SLC4A10: variants seen among roughly 807,000 people sequenced by gnomAD.
The protein encoded by SLC4A10 is sodium-driven chloride bicarbonate exchanger.
In SLC4A10, 42 loss-of-function variants were observed where a neutral mutation model predicts 137.7. The ratio of observed to expected loss-of-function variants is 0.30; its 90% confidence interval spans 0.24 to 0.39. The LOEUF (loss-of-function observed/expected upper bound fraction) is 0.39, where lower values mean the gene tolerates loss of function less well. SLC4A10 is among the 10% of genes least tolerant of loss of function. The pLI, the probability that SLC4A10 is intolerant of heterozygous loss-of-function variation, is 1.00. For missense variants in SLC4A10, 925 were observed against 1,355.0 expected (o/e 0.68, Z 4.98); for synonymous variants, 474 against 464.1 (o/e 1.02, Z -0.27).
intron 1 of SLC4A10, among the ~76,000 whole-genome samples, chr2:161,695,909 T>C (rs2042436823): frequency 6.6e-6 from 1 of 152,198 alleles, no homozygotes; most frequent in Non-Finnish European, 1.5e-5. Context: ...TTATTCATTT[T>C]TCTTTTTTAT....
In SLC4A10 at chr2:161,859,271, A is replaced by G. The variant is rs942010126; in HGVS notation, c.578-3603A>G. The stretch of plus-strand genomic sequence containing the variant: ...TCTGAGGCCTTTTTCCACAAGTGCT[A>G]CTAGTTTTTCTTTTCTTTTCTTTTC... On this transcript the variant is annotated intron_variant, in intron 5 of 26. Coordinates refer to ENST00000446997, the MANE Select transcript of SLC4A10 (RefSeq NM_001178015.2). Among the ~76,000 whole-genome samples, 6 of 112,398 alleles carry G rather than the reference A, an allele frequency of 5.3e-5. No homozygotes were observed. In the East Asian group the frequency reaches 2.5e-3, roughly 47 times the overall value. 73.7% of individuals were successfully genotyped at this position (112,398 alleles called of 152,430 possible).
chr2:161,695,619 T>C (rs2042405519), intron 1 of SLC4A10, among the ~76,000 whole-genome samples: 1 of 152,298 alleles, frequency 6.6e-6, no homozygotes, highest in African/African-American at 2.4e-5. Context: ...TATTGTGCTG[T>C]TACAAATTCT....
At chr2:161,790,694 G>A (rs962045288) in intron 2 of SLC4A10, among the ~76,000 whole-genome samples, 2 of 152,110 alleles carry the variant, frequency 1.3e-5, no homozygotes, top group Non-Finnish European at 2.9e-5. Context: ...TGACACCTGT[G>A]CACATCTTAT....
In SLC4A10 at chr2:161,984,035, A is replaced by G. The variant is rs530999974; in HGVS notation, c.*883A>G. On this transcript the variant is annotated 3_prime_UTR_variant, in exon 27 of 27. Coordinates refer to ENST00000446997, the MANE Select transcript of SLC4A10 (RefSeq NM_001178015.2). The stretch of plus-strand genomic sequence containing the variant: ...GATGTTTTCCAAATAAACATATTCT[A>G]TACATACTTGTGGAATGCCACATGG... 1.3e-5 allele frequency: 2 copies of G among 152,350 alleles called. No homozygotes were observed. The highest frequency in any genetic ancestry group is 2.1e-4 in the South Asian group (1 of 4,828). 9.4% of individuals were successfully genotyped at this position (152,350 alleles called of 1,614,324 possible). A position where few individuals can be genotyped will look rare whatever the true frequency, so the allele number is the denominator to read the frequency against.
chr2:161,933,975 G>A (rs373725057), intron 15 of SLC4A10, among the ~76,000 whole-genome samples: 103 of 151,720 alleles, frequency 6.8e-4, no homozygotes, highest in African/African-American at 2.2e-3. Flanking sequence ...CCACCTCCTC[G>A]CCAACACTTG....
At chr2:161,830,192 G>A (rs143452884) in intron 3 of SLC4A10, among the ~76,000 whole-genome samples, 211 of 151,262 alleles carry the variant, frequency 1.4e-3, no homozygotes, top group African/African-American at 4.0e-3. Flanking sequence ...AACAACCAGG[G>A]CAGTTTTATT....
intron 1 of SLC4A10, among the ~76,000 whole-genome samples, chr2:161,723,917 G>T (rs554626320): frequency 1.3e-5 from 2 of 152,252 alleles, no homozygotes; most frequent in East Asian, 3.9e-4. Context: ...TTGCATCCTG[G>T]TAGACATCTC....
intron 1 of SLC4A10, among the ~76,000 whole-genome samples, chr2:161,687,559 G>T (rs1164258279): frequency 6.6e-6 from 1 of 152,050 alleles, no homozygotes; most frequent in Non-Finnish European, 1.5e-5. Context: ...TGATTTCACT[G>T]TTTTTTCTCT....
At chr2:161,643,099 C>T (rs1280296197) in intron 1 of SLC4A10, among the ~76,000 whole-genome samples, 1 of 151,898 alleles carries the variant, frequency 6.6e-6, no homozygotes, top group Non-Finnish European at 1.5e-5. Context: ...CAACCTGAGG[C>T]CAAGGTAATA....
intron 5 of SLC4A10, among the ~76,000 whole-genome samples, chr2:161,859,157 G>T (rs1311429846): frequency 6.6e-6 from 1 of 152,036 alleles, no homozygotes. Flanking sequence ...TGTAGAATCT[G>T]CAATATGTCA....
intron 17 of SLC4A10, 46 bp from the exon 18 acceptor site, chr2:161,949,102 G>T: frequency 8.0e-7 from 1 of 1,243,668 alleles, no homozygotes; most frequent in Non-Finnish European, 1.2e-6. Context: ...AGTATTCCTT[G>T]ATATTTATAG....
chr2:161,830,180 A>G (rs2058342519), intron 3 of SLC4A10, among the ~76,000 whole-genome samples: 1 of 151,814 alleles, frequency 6.6e-6, no homozygotes, highest in African/African-American at 2.4e-5. Context: ...AAAAAAAATA[A>G]CAACAACCAG....
intron 1 of SLC4A10, among the ~76,000 whole-genome samples, chr2:161,642,574 T>C (rs1224771950): frequency 6.6e-6 from 1 of 152,034 alleles, no homozygotes; most frequent in African/African-American, 2.4e-5. Context: ...GGTTCATATA[T>C]TAATGAATCT....
intron 7 of SLC4A10, among the ~76,000 whole-genome samples, chr2:161,872,833 C>T (rs553892888): frequency 6.6e-6 from 1 of 152,152 alleles, no homozygotes; most frequent in Non-Finnish European, 1.5e-5. Context: ...CAAGCCTCAG[C>T]TTCCCGAGTA....
chr2:161,676,879 T>C (rs1427052808), intron 1 of SLC4A10, among the ~76,000 whole-genome samples: 2 of 152,282 alleles, frequency 1.3e-5, no homozygotes, highest in East Asian at 1.9e-4. Flanking sequence ...ATGGTAATTC[T>C]GGGTAAATAA....
intron 3 of SLC4A10, among the ~76,000 whole-genome samples, chr2:161,806,041 C>T (rs940353976): frequency 6.6e-6 from 1 of 152,168 alleles, no homozygotes; most frequent in African/African-American, 2.4e-5. Flanking sequence ...GTTCCTAAAC[C>T]CCAATTCTTG....
intron 4 of SLC4A10, among the ~76,000 whole-genome samples, chr2:161,845,029 A>T (rs1575245707): frequency 6.6e-6 from 1 of 152,106 alleles, no homozygotes; most frequent in African/African-American, 2.4e-5. Flanking sequence ...TGCTGTTCAA[A>T]CAAATGTCAG....
At chr2:161,808,678 T>G (rs1000559051) in intron 3 of SLC4A10, among the ~76,000 whole-genome samples, 2 of 152,214 alleles carry the variant, frequency 1.3e-5, no homozygotes, top group African/African-American at 4.8e-5. Flanking sequence ...TTTGGTTTTC[T>G]GTTCCTGAGT....
chr2:161,817,706 A>C (rs560473702), intron 3 of SLC4A10, among the ~76,000 whole-genome samples: 2 of 152,262 alleles, frequency 1.3e-5, no homozygotes, highest in East Asian at 1.9e-4. Context: ...ATGGCTAGCC[A>C]GTTTTCCCAG....
Sources: allele counts gnomAD v4.1 joint callset (sites outside exome capture counted in the v4.1 genomes callset), GRCh38; gene constraint gnomAD v4.1.1; transcripts MANE v1.5; gene names NCBI Gene and HGNC (gene_info 2026-07-23, HGNC 2026-07-21).